The following HPS4 variants were observed in gnomAD, a reference collection of about 807,000 sequenced individuals.
HPS4 encodes the protein BLOC-3 complex member HPS4.
HPS4 carries 44 observed loss-of-function variants against 70.3 expected under a neutral mutation model. That is an observed-to-expected ratio of 0.63 (90% confidence interval 0.49 to 0.80). The LOEUF (loss-of-function observed/expected upper bound fraction) is 0.80. Among genes scored for constraint, HPS4 ranks in the 30% least tolerant of loss-of-function variants. The pLI is 0.00. For missense variants in HPS4, 873 were observed against 884.4 expected (o/e 0.99, Z 0.16); for synonymous variants, 377 against 355.9 (o/e 1.06, Z -0.67).
chr22:26,472,569 G>A (rs2089984172), intron 5 of HPS4, 151 bp from the exon 6 acceptor site: 4 of 742,200 alleles, frequency 5.4e-6, no homozygotes, highest in Non-Finnish European at 9.8e-6. Flanking sequence ...CAGATCCACG[G>A]CGCCTGCCGC....
chr22:26,482,397 G>A (rs1244719113), intron 1 of HPS4, among the ~76,000 whole-genome samples, 157 bp from the exon 2 acceptor site: 1 of 152,192 alleles, frequency 6.6e-6, no homozygotes, highest in Non-Finnish European at 1.5e-5. Context: ...TTCAGAGTAA[G>A]GGCTTTAGTT....
chr22:26,458,366 T>A, intron 12 of HPS4, 79 bp downstream of exon 12: 1 of 1,552,878 alleles, frequency 6.4e-7, no homozygotes, highest in Non-Finnish European at 8.9e-7. Context: ...GTCATCATGA[T>A]GCTGGGGCTC....
In HPS4 at chr22:26,477,195, T is replaced by TAAG. The variant is rs2090670325; in HGVS notation, c.133-60_133-59insCTT. 3.8e-6 allele frequency: 6 copies of TAAG among 1,589,630 alleles called. No homozygotes were observed. The African/African-American group carries it at 5.4e-5, about 14-fold the overall frequency. ...TGAAATTCTTGAACTCTTAAGTCAT[T>TAAG]TCTTACAGCATACTAAAGCCTGCAA... On this transcript the variant is annotated intron_variant, in intron 3 of 13. Transcript: ENST00000398145.
rs2088559636 is a variant in HPS4 at position 26,466,171 on chromosome 22, AG to A, written c.706+54del. On this transcript the variant is annotated intron_variant, in intron 9 of 13. Coordinates refer to ENST00000398145, the MANE Select transcript of HPS4 (RefSeq NM_022081.6). ...TCCTTCGCATAACTTGTACAGGGGT[AG>A]GTAGCATAAAAGACCGCCGTTCTCA... 6 of 1,611,492 alleles carry A rather than the reference AG, an allele frequency of 3.7e-6. No homozygotes were observed. The South Asian group carries it at 6.6e-5, about 18-fold the overall frequency.
intron 2 of HPS4, 114 bp downstream of exon 2, chr22:26,481,606 ATT>A (rs1421929332): frequency 3.0e-6 from 3 of 992,106 alleles, no homozygotes; most frequent in Non-Finnish European, 4.8e-6. Context: ...GGAAAATGGC[ATT>A]TTTATTGTTA....
downstream of HPS4, chr22:26,443,279 C>A: frequency 7.9e-7 from 1 of 1,273,390 alleles, no homozygotes; most frequent in Non-Finnish European, 1.1e-6. Context: ...CGGTCCAGTC[C>A]CTACCGGTGT....
intron 10 of HPS4, 54 bp downstream of exon 10, chr22:26,465,401 G>A (rs967250088): frequency 3.3e-5 from 43 of 1,284,372 alleles, no homozygotes; most frequent in African/African-American, 1.5e-4. Flanking sequence ...AACCAATCAC[G>A]CGATGGGGTC....
chr22:26,476,895 G>T, intron 4 of HPS4, 98 bp downstream of exon 4: 1 of 1,310,360 alleles, frequency 7.6e-7, no homozygotes, highest in African/African-American at 1.4e-5. Flanking sequence ...GATGAGGTTG[G>T]TGGGGGCAGA....
chr22:26,458,721 C>G (rs1360504031), intron 11 of HPS4, 144 bp from the exon 12 acceptor site: 11 of 897,254 alleles, frequency 1.2e-5, no homozygotes, highest in Non-Finnish European at 1.7e-5. Flanking sequence ...CTTTGTGAGA[C>G]CGAGGCAGGA....
chr22:26,483,366 G>C (rs939546008), intron 1 of HPS4, among the ~76,000 whole-genome samples: 2 of 152,246 alleles, frequency 1.3e-5, no homozygotes, highest in Non-Finnish European at 2.9e-5. Context: ...GGATCTGGTA[G>C]CCTGGGAAGT....
chr22:26,453,533 G>A, intron 13 of HPS4, 129 bp from the exon 14 acceptor site: 1 of 938,002 alleles, frequency 1.1e-6, no homozygotes, highest in South Asian at 1.4e-5. Flanking sequence ...AGCTGTCATG[G>A]CACGGAATTC....
At chr22:26,468,768 G>T (rs1190258463) in intron 7 of HPS4, 145 bp from the exon 8 acceptor site, 1 of 727,992 alleles carries the variant, frequency 1.4e-6, no homozygotes, top group Non-Finnish European at 2.5e-6. Flanking sequence ...CCCTTACAGA[G>T]GGCACTCTGG....
intron 12 of HPS4, among the ~76,000 whole-genome samples, 164 bp from the exon 13 acceptor site, chr22:26,458,131 C>T (rs775683107): frequency 1.6e-4 from 24 of 152,384 alleles, no homozygotes; most frequent in Non-Finnish European, 2.8e-4. Flanking sequence ...CGGCTGCCGC[C>T]GCTGTGCGAT....
chr22:26,474,943 G>A (rs764251189), intron 4 of HPS4, among the ~76,000 whole-genome samples: 1 of 151,650 alleles, frequency 6.6e-6, no homozygotes, highest in Non-Finnish European at 1.5e-5. Context: ...CTGATGAGCA[G>A]GTGGAGTAAC....
intron 8 of HPS4, chr22:26,468,226 T>C (rs2089084089): frequency 2.6e-6 from 1 of 379,972 alleles, no homozygotes. Flanking sequence ...TAAAGACACA[T>C]CCTTTACAGT....
chr22:26,470,935 A>T (rs756672061), intron 6 of HPS4, 122 bp from the exon 7 acceptor site: 1 of 1,547,870 alleles, frequency 6.5e-7, no homozygotes, highest in Non-Finnish European at 8.7e-7. Flanking sequence ...GGAAAAGGAG[A>T]ATGTGTCACA....
chr22:26,453,226 G>T lies in HPS4; in HGVS notation c.*7C>A. 1 of 1,614,050 alleles carries T rather than the reference G, an allele frequency of 6.2e-7. No individual in the cohort carries two copies. Among genetic ancestry groups the T allele is most frequent in the Non-Finnish European group, 8.5e-7 (1 of 1,179,964 alleles). ...TTTCTCCTTCCCAGTCACCTCCTGG[G>T]TGCAGTTCAGAGCAAGTTCACCCCG... is the stretch of plus-strand genomic sequence containing the variant. On this transcript the variant is annotated 3_prime_UTR_variant, in exon 14 of 14. Transcript: ENST00000398145.
chr22:26,466,161 G>C, intron 9 of HPS4, 65 bp downstream of exon 9: 3 of 1,610,948 alleles, frequency 1.9e-6, no homozygotes, highest in Non-Finnish European at 8.5e-7. Context: ...CGCATAACTT[G>C]TACAGGGGTA....
chr22:26,463,598 G>A (rs2087772023), intron 11 of HPS4, among the ~76,000 whole-genome samples: 2 of 152,182 alleles, frequency 1.3e-5, no homozygotes. Context: ...AGAGGACAAG[G>A]GCCAGGATTC....
Sources: gnomAD v4.1 joint callset for allele counts (sites outside exome capture counted in the v4.1 genomes callset) on GRCh38, gnomAD v4.1.1 for gene constraint, MANE v1.5 for transcripts, NCBI Gene and HGNC (gene_info 2026-07-23, HGNC 2026-07-21) for gene names.